CNTNAP5: variants seen among roughly 807,000 people sequenced by gnomAD.
CNTNAP5 encodes contactin associated protein family member 5, also known as contactin-associated protein-like 5.
Under a neutral mutation model 150.2 loss-of-function variants are expected in CNTNAP5, and 72 were observed. That is an observed-to-expected ratio of 0.48 (90% CI 0.40 to 0.58). The LOEUF is 0.58. Among genes scored for constraint, CNTNAP5 ranks in the 20% least tolerant of loss-of-function variants. The pLI is 0.00. For missense variants in CNTNAP5, 1,636 were observed against 1,626.2 expected, an observed-to-expected ratio of 1.01 and a Z score of -0.10; for synonymous variants, 672 against 619.8, an observed-to-expected ratio of 1.08 and a Z score of -1.25.
intron 3 of CNTNAP5, among the ~76,000 whole-genome samples, chr2:124,305,780 A>C (rs1356778273): frequency 6.6e-6 from 1 of 152,212 alleles, no homozygotes; most frequent in Non-Finnish European, 1.5e-5. Context: ...CCATGTGCCA[A>C]CATCTTTATA....
At chr2:124,542,471 T>C (rs1057182926) in intron 10 of CNTNAP5, among the ~76,000 whole-genome samples, 1 of 151,858 alleles carries the variant, frequency 6.6e-6, no homozygotes, top group Non-Finnish European at 1.5e-5. Context: ...GGGAGTGTGA[T>C]GGGATTCCAG....
intron 10 of CNTNAP5, among the ~76,000 whole-genome samples, chr2:124,542,998 C>A (rs546924119): frequency 6.6e-6 from 1 of 152,082 alleles, no homozygotes. Flanking sequence ...GGTTGCTATC[C>A]GAGATTTAGG....
chr2:124,255,184 T>C (rs1053568422), intron 3 of CNTNAP5, among the ~76,000 whole-genome samples: 2 of 151,910 alleles, frequency 1.3e-5, no homozygotes, highest in Non-Finnish European at 2.9e-5. Context: ...GCCCAGGAGT[T>C]TACAATCAAC....
intron 13 of CNTNAP5, among the ~76,000 whole-genome samples, chr2:124,730,718 T>C (rs1365230916): frequency 1.3e-5 from 2 of 152,140 alleles, no homozygotes; most frequent in African/African-American, 2.4e-5. Context: ...ATTTCATATA[T>C]TTTATGATTG....
At chr2:124,828,523 A>G (rs1334366767) in intron 19 of CNTNAP5, among the ~76,000 whole-genome samples, 1 of 151,974 alleles carries the variant, frequency 6.6e-6, no homozygotes, top group Non-Finnish European at 1.5e-5. Flanking sequence ...GTTATTAAGG[A>G]TGAATGCACA....
rs373275017 is a variant in CNTNAP5, at chr2:124,660,231, T to C, written c.2077+12273T>C. ...GTGGATGGAGGTAGAGAGAACGCAC[T>C]GAGTCTGAAGGAGAGCACAGAGAGA... On this transcript the variant is annotated intron_variant, in intron 13 of 23. Transcript: ENST00000682447. 1.8e-3 allele frequency among the ~76,000 whole-genome samples: 275 copies of C among 152,234 alleles called. 2 individuals are homozygous for C. The highest frequency in any genetic ancestry group is 6.2e-3 in the African/African-American group (258 of 41,526).
chr2:124,064,965 A>G (rs1682117901), intron 1 of CNTNAP5, among the ~76,000 whole-genome samples: 1 of 152,082 alleles, frequency 6.6e-6, no homozygotes, highest in Non-Finnish European at 1.5e-5. Context: ...ACCCCTCTGT[A>G]CTTACATTAT....
intron 21 of CNTNAP5, among the ~76,000 whole-genome samples, chr2:124,895,312 T>A (rs1197747472): frequency 6.6e-6 from 1 of 151,596 alleles, no homozygotes; most frequent in African/African-American, 2.4e-5. Context: ...ATTTCCCAAC[T>A]TCTGTGTCCA....
At chr2:124,502,995 C>T (rs978904926) in intron 7 of CNTNAP5, among the ~76,000 whole-genome samples, 3 of 152,260 alleles carry the variant, frequency 2.0e-5, no homozygotes, top group African/African-American at 7.2e-5. Flanking sequence ...GCAGAATTCA[C>T]AAGATATGTA....
chr2:124,312,057 A>G (rs1303863031), intron 3 of CNTNAP5, among the ~76,000 whole-genome samples: 1 of 152,202 alleles, frequency 6.6e-6, no homozygotes, highest in East Asian at 1.9e-4. Context: ...CAGCAAAGGT[A>G]ATAAACAAAC....
rs1426371852 is a variant in CNTNAP5, at chr2:124,025,713, A to G, written c.63A>G (p.Leu21=). ...TGCTGTTCTCTGGCTTGTGGCATTT[A>G]GGATTAACAGCGACAAACTGTGAGT... ...LTLLFSGLWH[L]GLTATNYNCD... The change falls in exon 1 of 24, where the codon TTA becomes TTG. Residue 21 remains leucine (L), a synonymous_variant. Transcript: ENST00000682447. 8.1e-6 allele frequency: 13 copies of G among 1,613,622 alleles called. No individual in the cohort carries two copies. Among genetic ancestry groups the G allele is most frequent in the Non-Finnish European group, 1.0e-5 (12 of 1,179,702 alleles).
At chr2:124,604,873 T>C (rs1311393561) in intron 11 of CNTNAP5, among the ~76,000 whole-genome samples, 4 of 152,124 alleles carry the variant, frequency 2.6e-5, no homozygotes, top group Admixed American at 2.6e-4. Context: ...AAACATTTAT[T>C]TTATGTTCAC....
At chr2:124,677,344 G>C (rs1475956784) in intron 13 of CNTNAP5, among the ~76,000 whole-genome samples, 2 of 152,214 alleles carry the variant, frequency 1.3e-5, no homozygotes, top group East Asian at 3.9e-4. Flanking sequence ...AGGTAGTGTG[G>C]ACCTAAAGAG....
intron 21 of CNTNAP5, among the ~76,000 whole-genome samples, chr2:124,878,242 C>A (rs539518152): frequency 6.6e-6 from 1 of 152,208 alleles, no homozygotes; most frequent in Admixed American, 6.5e-5. Context: ...GTAAGTCAGG[C>A]TTTGGAATCA....
chr2:124,102,070 T>C (rs1683079206), intron 1 of CNTNAP5, among the ~76,000 whole-genome samples: 1 of 151,996 alleles, frequency 6.6e-6, no homozygotes, highest in Non-Finnish European at 1.5e-5. Flanking sequence ...CTCTATGACC[T>C]CCCCATAAAC....
At chr2:124,276,845 G>T (rs1687894724) in intron 3 of CNTNAP5, among the ~76,000 whole-genome samples, 1 of 152,124 alleles carries the variant, frequency 6.6e-6, no homozygotes, top group African/African-American at 2.4e-5. Flanking sequence ...ACATGTAAAA[G>T]GTTGGAAAAC....
At chr2:124,307,241 G>C (rs1217800795) in intron 3 of CNTNAP5, among the ~76,000 whole-genome samples, 1 of 152,102 alleles carries the variant, frequency 6.6e-6, no homozygotes, top group Non-Finnish European at 1.5e-5. Flanking sequence ...TCCTTGGTGA[G>C]ACAGAGAGAA....
chr2:124,591,555 G>A (rs1346662161), intron 11 of CNTNAP5, among the ~76,000 whole-genome samples: 1 of 152,146 alleles, frequency 6.6e-6, no homozygotes, highest in Non-Finnish European at 1.5e-5. Flanking sequence ...CTTTCTGGAG[G>A]AAGGAAGCCT....
At chr2:124,353,629 T>G (rs1035062274) in intron 3 of CNTNAP5, among the ~76,000 whole-genome samples, 1 of 152,186 alleles carries the variant, frequency 6.6e-6, no homozygotes, top group African/African-American at 2.4e-5. Flanking sequence ...ATACAGTGCC[T>G]CAAATTCTTA....
Sources: allele counts gnomAD v4.1 joint callset (sites outside exome capture counted in the v4.1 genomes callset), GRCh38; gene constraint gnomAD v4.1.1; transcripts MANE v1.5; gene names NCBI Gene and HGNC (gene_info 2026-07-23, HGNC 2026-07-21).